TBC1D9: variants seen among roughly 807,000 people sequenced by gnomAD.
TBC1D9 encodes TBC1 domain family member 9, also known as TBC1 domain family member 9A.
TBC1D9 carries 63 observed loss-of-function variants against 132.0 expected under a neutral mutation model. That is an observed-to-expected ratio of 0.48 (90% CI 0.39 to 0.59). The LOEUF (loss-of-function observed/expected upper bound fraction) is 0.59, where lower values mean the gene tolerates loss of function less well. TBC1D9 is among the 20% of genes least tolerant of loss of function. The pLI, the probability that TBC1D9 is intolerant of heterozygous loss-of-function variation, is 0.00. For synonymous variants in TBC1D9, 610 were observed against 609.9 expected (o/e 1.00, Z 0.00); for missense variants, 1,261 against 1,592.7 (o/e 0.79, Z 3.54).
intron 2 of TBC1D9, among the ~76,000 whole-genome samples, chr4:140,692,835 C>T (rs1021437256): frequency 6.6e-6 from 1 of 152,052 alleles, no homozygotes; most frequent in Non-Finnish European, 1.5e-5. Context: ...GCCTGGGCAA[C>T]ATGGCAATAC....
chr4:140,642,885 T>C (rs1042911209), intron 13 of TBC1D9: 2 of 580,122 alleles, frequency 3.4e-6, no homozygotes, highest in Non-Finnish European at 6.1e-6. Flanking sequence ...CAAGCTTCCA[T>C]GGGACTCCTC....
At chr4:140,662,575 T>A (rs1342590672) in intron 9 of TBC1D9, among the ~76,000 whole-genome samples, 2 of 152,234 alleles carry the variant, frequency 1.3e-5, no homozygotes, top group East Asian at 3.8e-4. Flanking sequence ...AACTGCCTGC[T>A]AACGTGTTAG....
chr4:140,646,056 A>G (rs1429774838), intron 13 of TBC1D9, among the ~76,000 whole-genome samples: 2 of 152,202 alleles, frequency 1.3e-5, no homozygotes, highest in Admixed American at 6.5e-5. Flanking sequence ...CACTTACTCT[A>G]TGGCAGAGAC....
rs780622888 is a variant in TBC1D9, at chr4:140,622,771, T to A, written c.3225A>T (p.Ala1075=). 1 of 1,604,558 alleles carries A rather than the reference T, an allele frequency of 6.2e-7. No homozygotes were observed. The highest frequency in any genetic ancestry group is 1.1e-5 in the South Asian group (1 of 90,900). ...EVGKLFVAQP[A]KEGGSGGSGP... ...CACTGCCTCCGCTCCCGCCCTCCTT[T>A]GCAGGCTGGGCCACGAACAACTTGC... Residue 1075 remains alanine (A), a synonymous_variant, in exon 21 of 21, where the codon GCA becomes GCT. Transcript: ENST00000442267.
intron 13 of TBC1D9, among the ~76,000 whole-genome samples, chr4:140,648,455 G>A (rs1242191231): frequency 1.4e-5 from 2 of 146,916 alleles, no homozygotes; most frequent in Admixed American, 6.9e-5. Flanking sequence ...GCATGATCAC[G>A]GCTCACTGCA....
At chr4:140,628,171 A>C in intron 17 of TBC1D9, 129 bp downstream of exon 17, 3 of 710,462 alleles carry the variant, frequency 4.2e-6, no homozygotes, top group Non-Finnish European at 7.4e-6. Context: ...GTCATTGTTC[A>C]GTTAGTTCTT....
rs1410499089 is a variant in TBC1D9 at position 140,622,576 on chromosome 4, G to C, written c.3420C>G (p.Pro1140=). 6.2e-6 allele frequency: 10 copies of C among 1,614,042 alleles called. No homozygotes were observed. Among genetic ancestry groups the C allele is most frequent in the Non-Finnish European group, 6.8e-6 (8 of 1,179,900 alleles). ...MEDIKLEDSS[P]RDNGACSSML... is the part of the protein sequence containing the mutation. ...TGGAGGAGCAGGCCCCGTTGTCCCG[G>C]GGCGAGGAGTCCTCCAGCTTGATGT... Residue 1140 remains proline, a synonymous_variant, in exon 21 of 21, where the codon CCC becomes CCG. Coordinates refer to ENST00000442267, the MANE Select transcript of TBC1D9 (RefSeq NM_015130.3).
In TBC1D9 at chr4:140,655,204, C is replaced by T. The variant is rs545898392; in HGVS notation, c.2337+1893G>A. On this transcript the variant is annotated intron_variant, in intron 13 of 20. Coordinates refer to ENST00000442267, the MANE Select transcript of TBC1D9 (RefSeq NM_015130.3). ...TTATTTTTTTCTTCCTATTTCCCTACAATTTCTAAAATGAACATGTATTGC... is the reference window on the plus strand; with the variant it reads ...TTATTTTTTTCTTCCTATTTCCCTATAATTTCTAAAATGAACATGTATTGC... 2.6e-5 allele frequency among the ~76,000 whole-genome samples: 4 copies of T among 152,154 alleles called. No individual in the cohort carries two copies. The South Asian group carries it at 8.3e-4, about 32-fold the overall frequency.
At chr4:140,730,657 G>T (rs191836370) in intron 1 of TBC1D9, among the ~76,000 whole-genome samples, 1 of 152,252 alleles carries the variant, frequency 6.6e-6, no homozygotes, top group African/African-American at 2.4e-5. Flanking sequence ...AACCTGGGAA[G>T]CAGGGTTGTA....
intron 1 of TBC1D9, among the ~76,000 whole-genome samples, chr4:140,711,114 G>A (rs1486808904): frequency 6.6e-6 from 1 of 152,170 alleles, no homozygotes; most frequent in Non-Finnish European, 1.5e-5. Context: ...GCCAAGCCTT[G>A]TGTGATCTAA....
intron 9 of TBC1D9, among the ~76,000 whole-genome samples, chr4:140,663,780 G>T (rs1302710248): frequency 1.3e-5 from 2 of 152,008 alleles, no homozygotes; most frequent in Non-Finnish European, 2.9e-5. Flanking sequence ...AGTGAAATAA[G>T]CCAGGCACAG....
rs776491577 is a variant in TBC1D9 at position 140,755,899 on chromosome 4, T to C, written c.130+17A>G. 1 of 1,530,614 alleles carries C rather than the reference T, an allele frequency of 6.5e-7. No homozygotes were observed. Among genetic ancestry groups the C allele is most frequent in the Non-Finnish European group, 8.8e-7 (1 of 1,142,400 alleles). The allele number at this position is 1,530,614 out of a possible 1,614,324, so 94.8% of individuals were successfully genotyped here. ...GCTCCCGGCTCCCCTCCTGCAGGGA[T>C]CGGCCACGGTCCTTACCCGCCAGTC... On this transcript the variant is annotated intron_variant, in intron 1 of 20. Coordinates refer to ENST00000442267, the MANE Select transcript of TBC1D9 (RefSeq NM_015130.3).
At chr4:140,674,906 C>T (rs1030965886) in intron 6 of TBC1D9, among the ~76,000 whole-genome samples, 1 of 151,916 alleles carries the variant, frequency 6.6e-6, no homozygotes, top group Non-Finnish European at 1.5e-5. Context: ...TGGGGCCTTG[C>T]TATGTTGCCT....
intron 1 of TBC1D9, among the ~76,000 whole-genome samples, chr4:140,747,580 A>G (rs900820959): frequency 2.0e-5 from 3 of 152,150 alleles, no homozygotes; most frequent in African/African-American, 7.2e-5. Context: ...AAAAAATAAA[A>G]AGCAACAAGT....
intron 6 of TBC1D9, 84 bp from the exon 7 acceptor site, chr4:140,671,010 G>A (rs916120321): frequency 3.2e-5 from 38 of 1,171,382 alleles, no homozygotes; most frequent in South Asian, 2.3e-4. Flanking sequence ...GGAGGAAGGC[G>A]GCACTTTCAT....
chr4:140,718,068 T>C (rs1438429351), intron 1 of TBC1D9, among the ~76,000 whole-genome samples: 1 of 152,182 alleles, frequency 6.6e-6, no homozygotes, highest in Non-Finnish European at 1.5e-5. Flanking sequence ...TCTACAATAT[T>C]TCTATACATT....
Position 140,670,734 on chromosome 4 carries a change from T to G in TBC1D9, c.1252A>C (p.Ser418Arg). 1 of 1,613,780 alleles carries G rather than the reference T, an allele frequency of 6.2e-7. No individual in the cohort carries two copies. Among genetic ancestry groups the G allele is most frequent in the Non-Finnish European group, 8.5e-7 (1 of 1,179,890 alleles). ...SDKEFAGSYN[S>R]SDDEVYSRPS... ...CTCCCACAGACCTCATCATCTGAAC[T>G]GTTGTAACTTCCTGCAAACTCCTTG... Residue 418 changes from serine (S) to arginine (R), a missense_variant, in exon 7 of 21, where the codon AGT becomes CGT. By Grantham distance (110) the Ser-to-Arg change is moderately radical. Transcript: ENST00000442267.
At chr4:140,623,929 T>C (rs1025833320) in intron 20 of TBC1D9, among the ~76,000 whole-genome samples, 187 bp downstream of exon 20, 2 of 152,098 alleles carry the variant, frequency 1.3e-5, no homozygotes, top group African/African-American at 4.8e-5. Flanking sequence ...GAGGAAGTCG[T>C]TTTTTCACAA....
At chr4:140,749,004 G>T (rs1159031513) in intron 1 of TBC1D9, among the ~76,000 whole-genome samples, 1 of 152,142 alleles carries the variant, frequency 6.6e-6, no homozygotes, top group African/African-American at 2.4e-5. Context: ...TAAATTGGGG[G>T]TGGGGAGTTA....
Sources: allele counts gnomAD v4.1 joint callset (sites outside exome capture counted in the v4.1 genomes callset), GRCh38; gene constraint gnomAD v4.1.1; transcripts MANE v1.5; gene names NCBI Gene and HGNC (gene_info 2026-07-23, HGNC 2026-07-21).